GLG1: variants seen among roughly 807,000 people sequenced by gnomAD.
GLG1 encodes Golgi apparatus protein 1.
Under a neutral mutation model 160.5 loss-of-function variants are expected in GLG1, and 38 were observed. The observed-to-expected ratio is 0.24, with a 90% CI of 0.18 to 0.31. The LOEUF is 0.31. Ranked by LOEUF, GLG1 falls within the 10% of genes least tolerant of loss-of-function variation. GLG1 has a pLI of 1.00. For synonymous variants in GLG1, 644 were observed against 543.4 expected (o/e 1.19, Z -2.57); for missense variants, 1,373 against 1,505.2 (o/e 0.91, Z 1.45).
intron 2 of GLG1, among the ~76,000 whole-genome samples, chr16:74,509,766 G>A (rs568557992): frequency 1.2e-4 from 18 of 151,264 alleles, no homozygotes; most frequent in African/African-American, 3.2e-4. Context: ...GGAGAACGGC[G>A]TGAACACCGT....
At chr16:74,479,240 A>C (rs1377662772) in intron 11 of GLG1, among the ~76,000 whole-genome samples, 19 of 3,884 alleles carry the variant, frequency 4.9e-3, no homozygotes, top group African/African-American at 0.023. Flanking sequence ...CTTTGTCTCA[A>C]AAAAAAAAAA....
intron 1 of GLG1, among the ~76,000 whole-genome samples, chr16:74,561,000 G>A (rs570012548): frequency 6.6e-6 from 1 of 152,360 alleles, no homozygotes; most frequent in South Asian, 2.1e-4. Flanking sequence ...TGAATTTTTA[G>A]AAGAGATATA....
intron 18 of GLG1, among the ~76,000 whole-genome samples, 189 bp from the exon 19 acceptor site, chr16:74,466,002 T>G (rs1794163767): frequency 6.6e-6 from 1 of 152,142 alleles, no homozygotes; most frequent in South Asian, 2.1e-4. Context: ...CAAACCCAAC[T>G]AGACAAAAAC....
At chr16:74,456,545 A>G in intron 25 of GLG1, 104 bp downstream of exon 25, 1 of 749,770 alleles carries the variant, frequency 1.3e-6, no homozygotes, top group Non-Finnish European at 2.4e-6. Flanking sequence ...GGACAGCCAC[A>G]GCGAGGAGAG....
rs1491436581 is a variant in GLG1, at chr16:74,498,448, G to GTGTATATA, written c.775-1805_775-1804insTATATACA. Among the ~76,000 whole-genome samples the GTGTATATA allele has an allele frequency of 2.9e-4, 7 of 24,034 alleles. 1 individual carries two copies. The highest frequency in any genetic ancestry group is 5.4e-4 in the Non-Finnish European group (7 of 12,958). The allele number at this position is 24,034 out of a possible 152,430, so 15.8% of individuals were successfully genotyped here. Reference sequence around the variant, plus strand: ...GGCTCTGTCTCAAAAAAAAAAAAAAGTATATATATATATATATATTATATT... The same window carrying GTGTATATA: ...GGCTCTGTCTCAAAAAAAAAAAAAAGTGTATATATATATATATATATATATATTATATT... On this transcript the variant is annotated intron_variant, in intron 4 of 25. Transcript: ENST00000422840.
At chr16:74,475,469 C>G (rs1332243384) in intron 12 of GLG1, among the ~76,000 whole-genome samples, 4 of 152,196 alleles carry the variant, frequency 2.6e-5, no homozygotes, top group African/African-American at 7.2e-5. Flanking sequence ...ATCTGGGATT[C>G]TAACTCCAGT....
chr16:74,606,620 C>T (rs748996061), intron 1 of GLG1, 37 bp downstream of exon 1: 1 of 1,512,764 alleles, frequency 6.6e-7, no homozygotes, highest in Non-Finnish European at 8.9e-7. Context: ...GGGCCCGCAC[C>T]AGGCCTGGCC....
intron 24 of GLG1, 126 bp downstream of exon 24, chr16:74,457,748 T>C (rs1277885437): frequency 3.8e-6 from 3 of 781,076 alleles, no homozygotes; most frequent in South Asian, 2.6e-5. Context: ...CCAGGGAATG[T>C]TGTCTATGAC....
rs2014354180 is a variant in GLG1 at position 74,452,509 on chromosome 16, G to A, written c.*658C>T. ...ACCCATGGCTGTGGGGCTGTGACCA[G>A]CAGTGGCTGATTAGGGTGGAAACTG... On this transcript the variant is annotated 3_prime_UTR_variant, in exon 26 of 26. Transcript: ENST00000422840. 5.9e-6 allele frequency: 6 copies of A among 1,023,196 alleles called. No individual in the cohort carries two copies. The highest frequency in any genetic ancestry group is 7.0e-6 in the Non-Finnish European group (6 of 851,790). The allele number at this position is 1,023,196 out of a possible 1,614,324, so 63.4% of individuals were successfully genotyped here.
chr16:74,542,685 G>A (rs1169996253), intron 1 of GLG1, among the ~76,000 whole-genome samples: 4 of 86,824 alleles, frequency 4.6e-5, no homozygotes, highest in Non-Finnish European at 9.0e-5. Flanking sequence ...AAAAAAAAGG[G>A]AAGGGAAGGA....
At position 74,493,136 on chromosome 16, in the gene GLG1, C is replaced by T. The variant is rs372334370; in HGVS notation, c.1055G>A (p.Arg352Gln). Residue 352 changes from arginine (R) to glutamine (Q), a missense_variant, in exon 7 of 26, where the codon CGA (arginine) becomes CAA (glutamine). Coordinates refer to ENST00000422840, the MANE Select transcript of GLG1 (RefSeq NM_001145667.2). ...CTTTTGGCGGGTTGTAAGTGCTTCT[C>T]GACACTGAGGAAAGAGTACAGCAAC... ...KFEESMSEKC[R>Q]EALTTRQKLI... 2.7e-5 allele frequency: 43 copies of T among 1,608,458 alleles called. No homozygotes were observed. The highest frequency in any genetic ancestry group is 3.3e-5 in the Non-Finnish European group (39 of 1,176,820).
chr16:74,586,123 T>TG (rs1958047423), intron 1 of GLG1, among the ~76,000 whole-genome samples: 2 of 149,812 alleles, frequency 1.3e-5, no homozygotes, highest in Admixed American at 1.3e-4. Context: ...GGTAAGTGAA[T>TG]TTCATCTCAA....
At position 74,508,824 on chromosome 16, in the gene GLG1, T is replaced by C; in HGVS notation, c.558+15A>G. 1 of 1,160,432 alleles carries C rather than the reference T, an allele frequency of 8.6e-7. No homozygotes were observed. The highest frequency in any genetic ancestry group is 1.3e-6 in the Non-Finnish European group (1 of 767,928). 71.9% of individuals were successfully genotyped at this position (1,160,432 alleles called of 1,614,324 possible). A position where few individuals can be genotyped will look rare whatever the true frequency, so the allele number is the denominator to read the frequency against. On this transcript the variant is annotated intron_variant, in intron 3 of 25. Coordinates refer to ENST00000422840, the MANE Select transcript of GLG1 (RefSeq NM_001145667.2). Reference sequence around the variant, plus strand: ...CTAAGCCATTAGTTGTCTACAAAATTCTTTGACAACTTACCTCTGTTATAG... The same window carrying C: ...CTAAGCCATTAGTTGTCTACAAAATCCTTTGACAACTTACCTCTGTTATAG...
chr16:74,496,713 TACACACACACACACAC>T lies in GLG1; in HGVS notation c.775-85_775-70del, dbSNP rs34221253. The T allele has an allele frequency of 2.0e-4, 121 of 617,678 alleles. 1 individual carries two copies. The East Asian group carries it at 2.9e-3, about 15-fold the overall frequency. 38.3% of individuals were successfully genotyped at this position (617,678 alleles called of 1,614,324 possible). On this transcript the variant is annotated intron_variant, in intron 4 of 25. Transcript: ENST00000422840. ...GGGTTTCAAATAAACAACATTTGGCTACACACACACACACACACACACACACACACACACAAAGTAA... is the reference window on the plus strand; with the variant it reads ...GGGTTTCAAATAAACAACATTTGGCTACACACACACACACACACAAAGTAA...
intron 2 of GLG1, among the ~76,000 whole-genome samples, chr16:74,523,789 G>A (rs768046307): frequency 2.6e-5 from 4 of 151,888 alleles, no homozygotes; most frequent in Non-Finnish European, 5.9e-5. Flanking sequence ...CTTCTATCAT[G>A]AGACTTTACT....
At chr16:74,586,507 C>A (rs1360676897) in intron 1 of GLG1, among the ~76,000 whole-genome samples, 1 of 151,890 alleles carries the variant, frequency 6.6e-6, no homozygotes, top group Non-Finnish European at 1.5e-5. Flanking sequence ...CAGGGTCTCG[C>A]TCTGTCACCC....
chr16:74,478,037 AG>A (rs1183030767), intron 11 of GLG1, among the ~76,000 whole-genome samples: 1 of 144,736 alleles, frequency 6.9e-6, no homozygotes. Flanking sequence ...GGCTTCGAAA[AG>A]CCCATATCTT....
At chr16:74,542,766 G>GA (rs1555514672) in intron 1 of GLG1, among the ~76,000 whole-genome samples, 36 of 119,752 alleles carry the variant, frequency 3.0e-4, no homozygotes, top group East Asian at 2.0e-3. Context: ...AGGAAGGAAG[G>GA]AAGGAAGGAA....
At chr16:74,472,263 G>A in intron 14 of GLG1, 86 bp downstream of exon 14, 1 of 875,552 alleles carries the variant, frequency 1.1e-6, no homozygotes, top group South Asian at 1.4e-5. Context: ...ACATGCTGCA[G>A]ACAGAGGTGA....
Sources: allele counts gnomAD v4.1 joint callset (sites outside exome capture counted in the v4.1 genomes callset), GRCh38; gene constraint gnomAD v4.1.1; transcripts MANE v1.5; gene names NCBI Gene and HGNC (gene_info 2026-07-23, HGNC 2026-07-21).